CD34: variants seen among roughly 807,000 people sequenced by gnomAD.
The protein encoded by CD34 is hematopoietic progenitor cell antigen CD34.
Under a neutral mutation model 40.1 loss-of-function variants are expected in CD34, and 34 were observed. The observed-to-expected ratio is 0.85, with a 90% confidence interval of 0.65 to 1.13. CD34 has a LOEUF of 1.13. Among genes scored for constraint, CD34 ranks in the 50% most tolerant of loss-of-function variants. The probability of loss-of-function intolerance (pLI) is 0.00; values close to 1 mark genes in which losing one functional copy is unlikely to be tolerated. For missense variants in CD34, 426 were observed against 466.9 expected (o/e 0.91, Z 0.81); for synonymous variants, 209 against 190.0 (o/e 1.10, Z -0.82).
At chr1:207,889,807 A>C in intron 4 of CD34, 186 bp from the exon 5 acceptor site, 1 of 1,579,104 alleles carries the variant, frequency 6.3e-7, no homozygotes, top group Non-Finnish European at 8.5e-7. Context: ...TAAGAAAAAA[A>C]CCTAAATAAT....
At position 207,911,039 on chromosome 1, in the gene CD34, C is replaced by A. The variant is rs1314885854; in HGVS notation, c.42G>T (p.Pro14=). 9 of 1,593,702 alleles carry A rather than the reference C, an allele frequency of 5.6e-6. No homozygotes were observed. Among genetic ancestry groups the A allele is most frequent in the Non-Finnish European group, 7.7e-6 (9 of 1,173,482 alleles). ...GCAAGCAAAGCGCGGTCCAGCCCCGCGGCATCCTGGGCCCTGCGCGCGCGC... is the reference window on the plus strand; with the variant it reads ...GCAAGCAAAGCGCGGTCCAGCCCCGAGGCATCCTGGGCCCTGCGCGCGCGC... ...RRGARAGPRM[P]RGWTALCLLS... Residue 14 remains proline (P), a synonymous_variant, in exon 1 of 8, where the codon CCG becomes CCT. Transcript: ENST00000310833.
At chr1:207,904,846 T>A (rs551282889) in intron 1 of CD34, among the ~76,000 whole-genome samples, 55 of 152,220 alleles carry the variant, frequency 3.6e-4, no homozygotes, top group Non-Finnish European at 6.9e-4. Context: ...CCTTGGAGTT[T>A]AGGAAAAGCA....
chr1:207,900,053 T>A, intron 1 of CD34, 50 bp from the exon 2 acceptor site: 2 of 1,376,432 alleles, frequency 1.5e-6, no homozygotes, highest in Non-Finnish European at 2.0e-6. Context: ...ATCAGCCTGG[T>A]GATATCACCT....
At chr1:207,891,926 A>G (rs1662046072) in intron 4 of CD34, among the ~76,000 whole-genome samples, 1 of 152,092 alleles carries the variant, frequency 6.6e-6, no homozygotes, top group Non-Finnish European at 1.5e-5. Context: ...AGGTTAGCAG[A>G]CACATGTCAC....
chr1:207,898,078 G>A (rs992387689), intron 3 of CD34, among the ~76,000 whole-genome samples: 6 of 128,568 alleles, frequency 4.7e-5, no homozygotes, highest in African/African-American at 1.4e-4. Context: ...TTTTGAGATC[G>A]AGTCTTGCCC....
Position 207,899,120 on chromosome 1 carries a change from G to C in CD34, c.369C>G (p.Thr123=). ...QTSVISTVFT[T]PANVSTPETT... is the part of the protein sequence containing the mutation. ...TCTCTGGAGTTGAAACGTTGGCTGG[G>C]GTGGTGAACACTGTGCTGATTACAG... Residue 123 remains threonine (T), a synonymous_variant, in exon 3 of 8, where the codon ACC becomes ACG. Transcript: ENST00000310833. 6.2e-7 allele frequency: 1 copy of C among 1,614,220 alleles called. No individual in the cohort carries two copies. Among genetic ancestry groups the C allele is most frequent in the Non-Finnish European group, 8.5e-7 (1 of 1,180,030 alleles).
At chr1:207,889,755 G>GC in intron 4 of CD34, 134 bp from the exon 5 acceptor site, 10 of 1,492,244 alleles carry the variant, frequency 6.7e-6, no homozygotes, top group Non-Finnish European at 9.0e-6. Flanking sequence ...AATTCCAACA[G>GC]AAAAAAAAAA....
chr1:207,883,309 C>T lies in CD34; in HGVS notation c.*4429G>A, dbSNP rs886547202. 22 of 152,314 alleles carry T rather than the reference C, an allele frequency of 1.4e-4. No individual in the cohort carries two copies. Among genetic ancestry groups the T allele is most frequent in the African/African-American group, 4.8e-4 (20 of 41,574 alleles). The allele number at this position is 152,314 out of a possible 1,614,324, so 9.4% of individuals were successfully genotyped here. On this transcript the variant is annotated 3_prime_UTR_variant, in exon 8 of 8. Coordinates refer to ENST00000310833, the MANE Select transcript of CD34 (RefSeq NM_001025109.2). ...CCTTACTCATTACTATCATCAAAAT[C>T]GTATTCATTTTTACAGGACCCACTC... is the stretch of plus-strand genomic sequence containing the variant.
In CD34 at chr1:207,883,995, T is replaced by G. The variant is rs1661853890; in HGVS notation, c.*3743A>C. 6.6e-6 allele frequency: 1 copy of G among 152,206 alleles called. No homozygotes were observed. Among genetic ancestry groups the G allele is most frequent in the South Asian group, 2.1e-4 (1 of 4,832 alleles). The allele number at this position is 152,206 out of a possible 1,614,324, so 9.4% of individuals were successfully genotyped here. ...TCTCTGCTCAAAACCCTCCAGTGGC[T>G]TCCCAATCTACAACTAAAAAGGCCC... On this transcript the variant is annotated 3_prime_UTR_variant, in exon 8 of 8. Coordinates refer to ENST00000310833, the MANE Select transcript of CD34 (RefSeq NM_001025109.2).
In CD34 at chr1:207,880,991, G is replaced by A. The variant is rs539455346; in HGVS notation, c.*6747C>T. 5.9e-5 allele frequency: 9 copies of A among 152,132 alleles called. 1 individual carries two copies. In the South Asian group the frequency reaches 1.7e-3, roughly 28 times the overall value. The allele number at this position is 152,132 out of a possible 1,614,324, so 9.4% of individuals were successfully genotyped here. A position where few individuals can be genotyped will look rare whatever the true frequency, so the allele number is the denominator to read the frequency against. On this transcript the variant is annotated 3_prime_UTR_variant, in exon 8 of 8. Transcript: ENST00000310833. ...AATGTATTCCTACCAAAACTATAAG[G>A]TCATGTTTAACAACAACAACAAAAC...
rs58259152 is a variant in CD34 at position 207,881,659 on chromosome 1, C to CAAAAAAA, written c.*6072_*6078dup. 2.9e-5 allele frequency: 2 copies of CAAAAAAA among 68,978 alleles called. No homozygotes were observed. The highest frequency in any genetic ancestry group is 5.9e-5 in the Non-Finnish European group (2 of 33,756). The allele number at this position is 68,978 out of a possible 1,614,324, so 4.3% of individuals were successfully genotyped here. A position where few individuals can be genotyped will look rare whatever the true frequency, so the allele number is the denominator to read the frequency against. On this transcript the variant is annotated 3_prime_UTR_variant, in exon 8 of 8. Coordinates refer to ENST00000310833, the MANE Select transcript of CD34 (RefSeq NM_001025109.2). ...TGGGTGACAGAGCGAGACTCCGTCT[C>CAAAAAAA]AAAAAAAAAAAAAAAAAAAAAGAAT...
rs535218232 is a variant in CD34, at chr1:207,905,460, G to A, written c.80-5457C>T. Among the ~76,000 whole-genome samples the A allele has an allele frequency of 3.9e-5, 6 of 152,110 alleles. No individual in the cohort carries two copies. The South Asian group carries it at 6.2e-4, about 16-fold the overall frequency. On this transcript the variant is annotated intron_variant, in intron 1 of 7. Coordinates refer to ENST00000310833, the MANE Select transcript of CD34 (RefSeq NM_001025109.2). Reference sequence around the variant, plus strand: ...CGGCTTTTACATTTCTAAAAGTGTCGTAAGATAAGACAAAGTAGACCATCC... The same window carrying A: ...CGGCTTTTACATTTCTAAAAGTGTCATAAGATAAGACAAAGTAGACCATCC...
chr1:207,906,315 A>G (rs926823837), intron 1 of CD34, among the ~76,000 whole-genome samples: 12 of 152,230 alleles, frequency 7.9e-5, no homozygotes, highest in African/African-American at 2.2e-4. Flanking sequence ...GAAATGAGCC[A>G]CTTTGGGAGA....
rs1324076698 is a variant in CD34 at position 207,899,088 on chromosome 1, A to G, written c.401T>C (p.Leu134Ser). 6.2e-7 allele frequency: 1 copy of G among 1,614,220 alleles called. No individual in the cohort carries two copies. Among genetic ancestry groups the G allele is most frequent in the Non-Finnish European group, 8.5e-7 (1 of 1,180,030 alleles). Residue 134 changes from leucine (L) to serine (S), a missense_variant, in exon 3 of 8, where the codon TTG (leucine) becomes TCG (serine). By Grantham distance (145) the Leu-to-Ser change is moderately radical (BLOSUM62 -2). Coordinates refer to ENST00000310833, the MANE Select transcript of CD34 (RefSeq NM_001025109.2). ...ATTTCCAGGTGACAGGCTAGGCTTC[A>G]AGGTTGTCTCTGGAGTTGAAACGTT... is the stretch of plus-strand genomic sequence containing the variant. ...PANVSTPETT[L>S]KPSLSPGNVS...
At chr1:207,909,215 G>T (rs1416575356) in intron 1 of CD34, among the ~76,000 whole-genome samples, 1 of 152,088 alleles carries the variant, frequency 6.6e-6, no homozygotes, top group Non-Finnish European at 1.5e-5. Flanking sequence ...CCAAGGTTGT[G>T]TTGCTCCCCC....
chr1:207,887,617 G>T lies in CD34; in HGVS notation c.*121C>A. 1.4e-6 allele frequency: 2 copies of T among 1,394,792 alleles called. No individual in the cohort carries two copies. Among genetic ancestry groups the T allele is most frequent in the Non-Finnish European group, 2.0e-6 (2 of 1,024,084 alleles). 86.4% of individuals were successfully genotyped at this position (1,394,792 alleles called of 1,614,324 possible). ...GGGCCCCAAGAACAGCCTCTGAGGT[G>T]TGTGCAGTGGGGAAGGGTTGGGCGT... On this transcript the variant is annotated 3_prime_UTR_variant, in exon 8 of 8. Coordinates refer to ENST00000310833, the MANE Select transcript of CD34 (RefSeq NM_001025109.2).
chr1:207,897,048 A>T (rs2102300482), intron 4 of CD34, among the ~76,000 whole-genome samples: 1 of 152,252 alleles, frequency 6.6e-6, no homozygotes, highest in African/African-American at 2.4e-5. Context: ...TTCTATATGG[A>T]TTAAAGAGTT....
intron 4 of CD34, among the ~76,000 whole-genome samples, chr1:207,893,954 C>A (rs1362737970): frequency 6.6e-6 from 1 of 152,106 alleles, no homozygotes; most frequent in East Asian, 1.9e-4. Flanking sequence ...GAAATTGGAA[C>A]CCTTGTACCC....
In CD34 at chr1:207,883,111, G is replaced by C. The variant is rs1324400797; in HGVS notation, c.*4627C>G. 6.6e-6 allele frequency: 1 copy of C among 152,110 alleles called. No homozygotes were observed. Among genetic ancestry groups the C allele is most frequent in the Non-Finnish European group, 1.5e-5 (1 of 68,020 alleles). The allele number at this position is 152,110 out of a possible 1,614,324, so 9.4% of individuals were successfully genotyped here. On this transcript the variant is annotated 3_prime_UTR_variant, in exon 8 of 8. Transcript: ENST00000310833. The stretch of plus-strand genomic sequence containing the variant: ...TCTATTGGATAAAATTAAACTCTGT[G>C]GTTTAGCTTTAAACACCCTACACAA...
Sources: gnomAD v4.1 joint callset for allele counts (sites outside exome capture counted in the v4.1 genomes callset) on GRCh38, gnomAD v4.1.1 for gene constraint, MANE v1.5 for transcripts, NCBI Gene and HGNC (gene_info 2026-07-23, HGNC 2026-07-21) for gene names.